The following S1PR2 variants were observed in gnomAD, a reference collection of about 807,000 sequenced individuals.
S1PR2 encodes the protein sphingosine 1-phosphate receptor 2.
S1PR2 carries 9 observed loss-of-function variants against 16.1 expected under a neutral mutation model. That is an observed-to-expected ratio of 0.56 (90% CI 0.34 to 0.98). The LOEUF is 0.98. S1PR2 is among the 50% of genes least tolerant of loss of function. S1PR2 has a pLI of 0.02. For synonymous variants in S1PR2, 224 were observed against 233.9 expected (o/e 0.96, Z 0.38); for missense variants, 361 against 488.4 (o/e 0.74, Z 2.46).
chr19:10,230,413 A>C (rs2039665293), intron 1 of S1PR2: 1 of 154,816 alleles, frequency 6.5e-6, no homozygotes, highest in Middle Eastern at 5.2e-4. Flanking sequence ...CAGCAGCTGC[A>C]CCGCGAGTTC....
At chr19:10,227,515 AG>A (rs765172135) in intron 1 of S1PR2, among the ~76,000 whole-genome samples, 1 of 152,152 alleles carries the variant, frequency 6.6e-6, no homozygotes, top group Non-Finnish European at 1.5e-5. Flanking sequence ...TGCTGGACGC[AG>A]CCCCGGGCAT....
rs778604580 is a variant in S1PR2, at chr19:10,224,000, C to G, written c.906G>C (p.Pro302=). The change falls in exon 2 of 2, where the codon CCG becomes CCC. Residue 302 remains proline, a synonymous_variant. Transcript: ENST00000646641. The stretch of plus-strand genomic sequence containing the variant: ...CCACCCCCGGCCTCCAGCACTGCAG[C>G]GGCCGAAGCACCTCCCGCCGCAGGT... ...SRDLRREVLR[P]LQCWRPGVGV... is the part of the protein sequence containing the mutation. 4 of 1,611,490 alleles carry G rather than the reference C, an allele frequency of 2.5e-6. No homozygotes were observed. The highest frequency in any genetic ancestry group is 3.4e-6 in the Non-Finnish European group (4 of 1,178,680).
At chr19:10,230,078 G>A (rs2039660907) in intron 1 of S1PR2, among the ~76,000 whole-genome samples, 1 of 152,222 alleles carries the variant, frequency 6.6e-6, no homozygotes, top group South Asian at 2.1e-4. Flanking sequence ...CAGCAACAAA[G>A]GAGCCTGGAG....
rs767727256 is a variant in S1PR2 at position 10,230,865 on chromosome 19, G to GC, written c.-43+338dup. On this transcript the variant is annotated intron_variant, in intron 1 of 1. Coordinates refer to ENST00000646641, the MANE Select transcript of S1PR2 (RefSeq NM_004230.4). ...GCCGGAGTCAGCCAGGAGGGGTGTT[G>GC]CCCCCCCCCAAACACACTCCCCAAG... Among the ~76,000 whole-genome samples the GC allele has an allele frequency of 1.9e-3, 281 of 151,168 alleles. 1 individual carries two copies. The highest frequency in any genetic ancestry group is 0.01 in the Middle Eastern group (3 of 292).
rs2039622857 is a variant in S1PR2, at chr19:10,224,928, G to A, written c.-23C>T. On this transcript the variant is annotated 5_prime_UTR_variant, in exon 2 of 2. Transcript: ENST00000646641. ...CATGGTGGGGCTCAGAGGCCTGCTG[G>A]GGCCATGGGGCTTTCAGAACTGCAG... 1 of 1,572,726 alleles carries A rather than the reference G, an allele frequency of 6.4e-7. No individual in the cohort carries two copies. The highest frequency in any genetic ancestry group is 2.2e-5 in the East Asian group (1 of 44,636).
In S1PR2 at chr19:10,224,016, C is replaced by T. The variant is rs773635875; in HGVS notation, c.890G>A (p.Arg297Gln). 7 of 1,612,250 alleles carry T rather than the reference C, an allele frequency of 4.3e-6. No homozygotes were observed. Among genetic ancestry groups the T allele is most frequent in the African/African-American group, 2.7e-5 (2 of 74,926 alleles). Residue 297 changes from arginine to glutamine, a missense_variant, in exon 2 of 2, where the codon CGG becomes CAG. Arg to Gln is a conservative substitution (Grantham distance 43, BLOSUM62 1). Transcript: ENST00000646641. The stretch of plus-strand genomic sequence containing the variant: ...GCACTGCAGCGGCCGAAGCACCTCC[C>T]GCCGCAGGTCCCGGCTGCGCCACGT... ...IYTWRSRDLR[R>Q]EVLRPLQCWR... is the part of the protein sequence containing the mutation.
Position 10,222,585 on chromosome 19 carries a change from A to G in S1PR2, c.*1259T>C, listed in dbSNP as rs1228038886. ...TGTGCCCCAAATAGTGCAACTGAGC[A>G]ATGAGGTCTGAGAATGAGGAATGGA... On this transcript the variant is annotated 3_prime_UTR_variant, in exon 2 of 2. Coordinates refer to ENST00000646641, the MANE Select transcript of S1PR2 (RefSeq NM_004230.4). 3 of 152,304 alleles carry G rather than the reference A, an allele frequency of 2.0e-5. No individual in the cohort carries two copies. Among genetic ancestry groups the G allele is most frequent in the African/African-American group, 7.2e-5 (3 of 41,434 alleles). 9.4% of individuals were successfully genotyped at this position (152,304 alleles called of 1,614,324 possible).
chr19:10,227,011 G>T (rs2039639926), intron 1 of S1PR2, among the ~76,000 whole-genome samples: 1 of 148,480 alleles, frequency 6.7e-6, no homozygotes, highest in Admixed American at 6.7e-5. Context: ...ACCCACCAAG[G>T]AAAACTGAGC....
At chr19:10,226,425 G>A (rs979997864) in intron 1 of S1PR2, among the ~76,000 whole-genome samples, 9 of 152,238 alleles carry the variant, frequency 5.9e-5, no homozygotes, top group African/African-American at 2.2e-4. Flanking sequence ...CTGTGCAATA[G>A]AGAGAAGAAA....
intron 1 of S1PR2, among the ~76,000 whole-genome samples, chr19:10,229,200 C>T (rs1190873453): frequency 1.3e-5 from 2 of 152,144 alleles, no homozygotes; most frequent in African/African-American, 2.4e-5. Flanking sequence ...TCCACTCCAA[C>T]CACACTAAAC....
At chr19:10,226,133 G>A (rs1027345567) in intron 1 of S1PR2, among the ~76,000 whole-genome samples, 3 of 152,240 alleles carry the variant, frequency 2.0e-5, no homozygotes, top group African/African-American at 7.2e-5. Context: ...CCCTCATGCT[G>A]ACCTGGGTCA....
Position 10,222,401 on chromosome 19 carries a change from G to A in S1PR2, c.*1443C>T, listed in dbSNP as rs1295082365. On this transcript the variant is annotated 3_prime_UTR_variant, in exon 2 of 2. Transcript: ENST00000646641. Reference sequence around the variant, plus strand: ...CCTGGTACCTTAGCTGGGGCTGCAGGTGTGGAGCTGAGAATAGCTTGGGGG... The same window carrying A: ...CCTGGTACCTTAGCTGGGGCTGCAGATGTGGAGCTGAGAATAGCTTGGGGG... 6.6e-6 allele frequency: 1 copy of A among 152,354 alleles called. No homozygotes were observed. The highest frequency in any genetic ancestry group is 1.5e-5 in the Non-Finnish European group (1 of 68,078). The allele number at this position is 152,354 out of a possible 1,614,324, so 9.4% of individuals were successfully genotyped here.
rs1288176358 is a variant in S1PR2 at position 10,222,776 on chromosome 19, C to T, written c.*1068G>A. 4 of 152,396 alleles carry T rather than the reference C, an allele frequency of 2.6e-5. No individual in the cohort carries two copies. Among genetic ancestry groups the T allele is most frequent in the South Asian group, 2.1e-4 (1 of 4,832 alleles). The allele number at this position is 152,396 out of a possible 1,614,324, so 9.4% of individuals were successfully genotyped here. The stretch of plus-strand genomic sequence containing the variant: ...CTCCTCAGGACAGTGGTTCTGTAGT[C>T]GCACGAAGTTGCCCAGAGAAGGTGG... On this transcript the variant is annotated 3_prime_UTR_variant, in exon 2 of 2. Transcript: ENST00000646641.
intron 1 of S1PR2, among the ~76,000 whole-genome samples, chr19:10,225,994 A>G (rs2145442421): frequency 6.6e-6 from 1 of 152,294 alleles, no homozygotes; most frequent in African/African-American, 2.4e-5. Flanking sequence ...TCAAAGGGAA[A>G]GAAGCTCCCC....
rs776758449 is a variant in S1PR2, at chr19:10,224,736, G to T, written c.170C>A (p.Ala57Glu). 2.5e-6 allele frequency: 4 copies of T among 1,614,128 alleles called. No individual in the cohort carries two copies. Among genetic ancestry groups the T allele is most frequent in the Non-Finnish European group, 3.4e-6 (4 of 1,180,060 alleles). ...IVVENLLVLI[A>E]VARNSKFHSA... Reference sequence around the variant, plus strand: ...GTGGAACTTGCTGTTTCGGGCCACCGCAATGAGCACCAGAAGGTTTTCCAC... The same window carrying T: ...GTGGAACTTGCTGTTTCGGGCCACCTCAATGAGCACCAGAAGGTTTTCCAC... Residue 57 changes from alanine (A) to glutamate (E), a missense_variant, in exon 2 of 2, where the codon GCG (alanine) becomes GAG (glutamate). By Grantham distance (107) the Ala-to-Glu change is moderately radical. Coordinates refer to ENST00000646641, the MANE Select transcript of S1PR2 (RefSeq NM_004230.4).
At position 10,223,897 on chromosome 19, in the gene S1PR2, C is replaced by A. The variant is rs761178651; in HGVS notation, c.1009G>T (p.Gly337Cys). Residue 337 changes from glycine to cysteine, a missense_variant, in exon 2 of 2, where the codon GGC becomes TGC. Coordinates refer to ENST00000646641, the MANE Select transcript of S1PR2 (RefSeq NM_004230.4). ...PLRSSSSLERGMHMPTSPTFL... is the reference protein window; with the variant it reads ...PLRSSSSLERCMHMPTSPTFL... ...GTGGGTGACGTGGGCATGTGCATGC[C>A]CCTCTCCAGGGAGCTGGAGCTGCGG... 10 of 1,585,368 alleles carry A rather than the reference C, an allele frequency of 6.3e-6. No homozygotes were observed. The highest frequency in any genetic ancestry group is 8.6e-6 in the Non-Finnish European group (10 of 1,165,918).
intron 1 of S1PR2, among the ~76,000 whole-genome samples, chr19:10,227,574 C>G (rs977506006): frequency 1.3e-5 from 2 of 152,244 alleles, no homozygotes; most frequent in Admixed American, 6.5e-5. Flanking sequence ...GGCTTGGGCC[C>G]AGGCTGCGGC....
chr19:10,230,750 C>G (rs2039670511), intron 1 of S1PR2, among the ~76,000 whole-genome samples: 1 of 152,256 alleles, frequency 6.6e-6, no homozygotes, highest in African/African-American at 2.4e-5. Context: ...GAAACCGAGG[C>G]AGAAAGCCCG....
Position 10,224,326 on chromosome 19 carries a change from C to A in S1PR2, c.580G>T (p.Val194Leu), listed in dbSNP as rs750859739. 3.1e-6 allele frequency: 5 copies of A among 1,614,032 alleles called. No individual in the cohort carries two copies. In the Admixed American group the frequency reaches 5.0e-5, roughly 16 times the overall value. ...PLYAKHYVLC[V>L]VTIFSIILLA... ...AGGATGATGGAGAAGATGGTCACCACGCACAGCACATAATGCTTGGCGTAG... is the reference window on the plus strand; with the variant it reads ...AGGATGATGGAGAAGATGGTCACCAAGCACAGCACATAATGCTTGGCGTAG... The change falls in exon 2 of 2, where the codon GTG (valine) becomes TTG (leucine). Residue 194 changes from valine to leucine, a missense_variant. By Grantham distance (32) the Val-to-Leu change is conservative. Coordinates refer to ENST00000646641, the MANE Select transcript of S1PR2 (RefSeq NM_004230.4).
Sources: gnomAD v4.1 joint callset for allele counts (sites outside exome capture counted in the v4.1 genomes callset) on GRCh38, gnomAD v4.1.1 for gene constraint, MANE v1.5 for transcripts, NCBI Gene and HGNC (gene_info 2026-07-23, HGNC 2026-07-21) for gene names.